The following CFAP161 variants were observed in gnomAD, a reference collection of about 807,000 sequenced individuals.
CFAP161 encodes cilia- and flagella-associated protein 161.
A neutral mutation model predicts 29.0 loss-of-function variants in CFAP161; 25 were observed. The observed-to-expected ratio is 0.86, with a 90% CI of 0.63 to 1.20. The LOEUF (loss-of-function observed/expected upper bound fraction) is 1.20. Among genes scored for constraint, CFAP161 ranks in the 50% most tolerant of loss-of-function variants. The pLI is 0.00. For synonymous variants in CFAP161, 116 were observed against 137.4 expected (o/e 0.84, Z 1.09); for missense variants, 367 against 371.9 (o/e 0.99, Z 0.11).
intron 4 of CFAP161, among the ~76,000 whole-genome samples, chr15:81,142,112 C>T (rs58695614): frequency 0.016 from 2,448 of 152,136 alleles, 71 homozygotes; most frequent in African/African-American, 0.055. Context: ...AGGTCTCTTC[C>T]GCTGTTCCTA....
At chr15:81,107,705 A>G (rs909678072) in intron 1 of CFAP161, among the ~76,000 whole-genome samples, 1 of 152,218 alleles carries the variant, frequency 6.6e-6, no homozygotes, top group Non-Finnish European at 1.5e-5. Flanking sequence ...AGCCTGGGCA[A>G]CAAGAGTGAA....
At chr15:81,131,220 A>G (rs748281179), upstream of CFAP161, among the ~76,000 whole-genome samples, 138 of 152,050 alleles carry the variant, frequency 9.1e-4, 3 homozygotes, top group Middle Eastern at 3.2e-3. Context: ...TGTATCTAAA[A>G]TGTCTAGTTT....
chr15:81,106,803 A>G (rs1056937964), intron 1 of CFAP161, among the ~76,000 whole-genome samples: 7 of 152,170 alleles, frequency 4.6e-5, no homozygotes, highest in African/African-American at 1.2e-4. Flanking sequence ...TGGTGGCTCA[A>G]GCCTGTAATC....
intron 6 of CFAP161, 34 bp downstream of exon 6, chr15:81,147,965 A>G (rs1895038236): frequency 1.9e-6 from 3 of 1,539,160 alleles, no homozygotes; most frequent in Non-Finnish European, 2.7e-6. Flanking sequence ...AAATGCTGTG[A>G]TTGGGGCTGG....
intron 1 of CFAP161, among the ~76,000 whole-genome samples, chr15:81,105,006 A>T (rs1894344051): frequency 6.6e-6 from 1 of 151,780 alleles, no homozygotes; most frequent in Admixed American, 6.6e-5. Context: ...AATCTGTTCC[A>T]TGCCTCTTCT....
At chr15:81,147,634 GA>G (rs1320598530) in intron 5 of CFAP161, among the ~76,000 whole-genome samples, 4 of 152,104 alleles carry the variant, frequency 2.6e-5, no homozygotes, top group Non-Finnish European at 5.9e-5. Context: ...TCTAAACACA[GA>G]AAAGGTACAG....
At chr15:81,134,421 C>G (rs1218217818) in intron 1 of CFAP161, 23 bp downstream of exon 1, 10 of 1,567,880 alleles carry the variant, frequency 6.4e-6, no homozygotes, top group Non-Finnish European at 8.7e-6. Flanking sequence ...TGGCCAGGCG[C>G]AGACCCGCAG....
upstream of CFAP161, chr15:81,134,156 A>G (rs2141877067): frequency 3.0e-6 from 2 of 656,200 alleles, no homozygotes; most frequent in East Asian, 5.7e-5. Flanking sequence ...GGCCACAGAC[A>G]GCCGCTGACC....
chr15:81,120,313 T>C (rs1247931947), intron 1 of CFAP161, among the ~76,000 whole-genome samples: 1 of 152,128 alleles, frequency 6.6e-6, no homozygotes, highest in Non-Finnish European at 1.5e-5. Context: ...CTCTTAGTAA[T>C]AGCATGACAA....
chr15:81,107,999 C>T (rs1014270021), intron 1 of CFAP161, among the ~76,000 whole-genome samples: 14 of 151,944 alleles, frequency 9.2e-5, no homozygotes, highest in Non-Finnish European at 1.8e-4. Flanking sequence ...TCTGCACTTC[C>T]GTTTCCTCGT....
chr15:81,111,538 C>T (rs766893859), intron 1 of CFAP161, among the ~76,000 whole-genome samples: 3 of 152,226 alleles, frequency 2.0e-5, no homozygotes, highest in Admixed American at 2.0e-4. Context: ...AGCAACCTTC[C>T]GAAAGCTCTA....
At chr15:81,103,666 T>C (rs1894329068) in intron 1 of CFAP161, among the ~76,000 whole-genome samples, 1 of 152,222 alleles carries the variant, frequency 6.6e-6, no homozygotes, top group Admixed American at 6.5e-5. Context: ...TATAATAAGC[T>C]ACTACCTGTG....
rs1895064348 is a variant in CFAP161 at position 81,149,062 on chromosome 15, T to G, written c.*529T>G. 6.6e-6 allele frequency: 1 copy of G among 152,268 alleles called. No individual in the cohort carries two copies. Among genetic ancestry groups the G allele is most frequent in the African/African-American group, 2.4e-5 (1 of 41,464 alleles). The allele number at this position is 152,268 out of a possible 1,614,324, so 9.4% of individuals were successfully genotyped here. Reference sequence around the variant, plus strand: ...CCTCTACCTGATCAGTAACCTATTATTTTGTAATGATTTTTAAGCTGCAGA... The same window carrying G: ...CCTCTACCTGATCAGTAACCTATTAGTTTGTAATGATTTTTAAGCTGCAGA... On this transcript the variant is annotated 3_prime_UTR_variant, in exon 7 of 7. Transcript: ENST00000286732.
intron 1 of CFAP161, among the ~76,000 whole-genome samples, chr15:81,124,504 T>C (rs1228440900): frequency 6.6e-6 from 1 of 152,198 alleles, no homozygotes; most frequent in Non-Finnish European, 1.5e-5. Flanking sequence ...CAGGTTTTGG[T>C]ATCAGGATGA....
At chr15:81,122,111 A>G (rs1213055662) in intron 1 of CFAP161, among the ~76,000 whole-genome samples, 1 of 152,152 alleles carries the variant, frequency 6.6e-6, no homozygotes, top group Non-Finnish European at 1.5e-5. Context: ...TATCCAGTCT[A>G]TCATTGTTGG....
intron 5 of CFAP161, among the ~76,000 whole-genome samples, chr15:81,146,520 T>C (rs1473241943): frequency 6.6e-6 from 1 of 152,102 alleles, no homozygotes; most frequent in Non-Finnish European, 1.5e-5. Flanking sequence ...CTTTGAGTGA[T>C]GATTTCATCA....
At chr15:81,124,112 G>C (rs1403281919) in intron 1 of CFAP161, among the ~76,000 whole-genome samples, 1 of 152,134 alleles carries the variant, frequency 6.6e-6, no homozygotes, top group South Asian at 2.1e-4. Context: ...TCCTTGTCTT[G>C]TGCCAGTTTT....
chr15:81,117,720 T>A, intron 1 of CFAP161: 1 of 321,754 alleles, frequency 3.1e-6, no homozygotes, highest in Non-Finnish European at 6.3e-6. Flanking sequence ...ATCTTCATCC[T>A]CATCCATCTT....
Position 81,135,310 on chromosome 15 carries a change from A to G in CFAP161, c.110A>G (p.Lys37Arg). ...KDFLEKRDKGKLLIQRSRRLK... is the reference protein window; with the variant it reads ...KDFLEKRDKGRLLIQRSRRLK... ...TTCTTAGAGAAGAGAGACAAGGGGA[A>G]ACTTCTCATACAGAGAAGTAGAAGA... The change falls in exon 2 of 7, where the codon AAA becomes AGA. Residue 37 changes from lysine to arginine, a missense_variant. Lys to Arg is a conservative substitution (Grantham distance 26, BLOSUM62 2). Transcript: ENST00000286732. 1.9e-6 allele frequency: 3 copies of G among 1,600,976 alleles called. No individual in the cohort carries two copies. The highest frequency in any genetic ancestry group is 1.7e-4 in the Middle Eastern group (1 of 5,982).
Sources: gnomAD v4.1 joint callset for allele counts (sites outside exome capture counted in the v4.1 genomes callset) on GRCh38, gnomAD v4.1.1 for gene constraint, MANE v1.5 for transcripts, NCBI Gene and HGNC (gene_info 2026-07-23, HGNC 2026-07-21) for gene names.